The following ZNF592 variants were observed in gnomAD, a reference collection of about 807,000 sequenced individuals.
ZNF592 encodes spinocerebellar ataxia, autosomal recessive 5.
In ZNF592, 11 loss-of-function variants were observed where a neutral mutation model predicts 80.3. The ratio of observed to expected loss-of-function variants is 0.14; its 90% CI spans 0.09 to 0.23. ZNF592 has a LOEUF of 0.23. Ranked by LOEUF, ZNF592 falls within the 10% of genes least tolerant of loss-of-function variation. ZNF592 has a pLI of 1.00. For missense variants in ZNF592, 1,420 were observed against 1,633.9 expected, an observed-to-expected ratio of 0.87 and a Z score of 2.26; for synonymous variants, 646 against 640.3, an observed-to-expected ratio of 1.01 and a Z score of -0.13.
rs573936802 is a variant in ZNF592, at chr15:84,804,778, G to T, written c.*2385G>T. ...AGTTATGAAGTGGCCCAGACACCTAGCCATTCTTTAGTAAGAGTGAAGATA... is the reference window on the plus strand; with the variant it reads ...AGTTATGAAGTGGCCCAGACACCTATCCATTCTTTAGTAAGAGTGAAGATA... On this transcript the variant is annotated 3_prime_UTR_variant, in exon 11 of 11. Coordinates refer to ENST00000560079, the MANE Select transcript of ZNF592 (RefSeq NM_014630.3). 3.9e-5 allele frequency: 6 copies of T among 152,324 alleles called. No homozygotes were observed. In the South Asian group the frequency reaches 1.2e-3, roughly 32 times the overall value. 9.4% of individuals were successfully genotyped at this position (152,324 alleles called of 1,614,324 possible).
At chr15:84,790,978 C>A in intron 5 of ZNF592, 95 bp downstream of exon 5, 1 of 1,473,340 alleles carries the variant, frequency 6.8e-7, no homozygotes, top group Non-Finnish European at 9.5e-7. Context: ...TCTTAAGAGG[C>A]TTGGGTTCCA....
At chr15:84,748,878 G>A (rs1898928331) in intron 1 of ZNF592, among the ~76,000 whole-genome samples, 1 of 148,584 alleles carries the variant, frequency 6.7e-6, no homozygotes, top group Non-Finnish European at 1.5e-5. Context: ...GCCCCCGGCC[G>A]TCGGGCGCCG....
At chr15:84,766,706 A>AGTGTGTGTATGT (rs142827273) in intron 2 of ZNF592, among the ~76,000 whole-genome samples, 4 of 140,140 alleles carry the variant, frequency 2.9e-5, no homozygotes, top group African/African-American at 1.1e-4. Flanking sequence ...GATGAGAAAG[A>AGTGTGTGTATGT]GTGTGTGTGT....
chr15:84,794,668 G>C (rs1027995429), intron 5 of ZNF592, among the ~76,000 whole-genome samples: 6 of 151,956 alleles, frequency 3.9e-5, no homozygotes, highest in Non-Finnish European at 8.8e-5. Context: ...GTAGAGACGG[G>C]GTTTCACCAT....
intron 2 of ZNF592, among the ~76,000 whole-genome samples, chr15:84,771,234 C>T (rs1279543838): frequency 2.6e-5 from 4 of 152,032 alleles, no homozygotes; most frequent in African/African-American, 9.7e-5. Context: ...GAAGTGCTGC[C>T]ATAGAGGAAG....
chr15:84,792,598 G>A lies in ZNF592; in HGVS notation c.2399+1715G>A, dbSNP rs917280802. Among the ~76,000 whole-genome samples the A allele has an allele frequency of 3.3e-5, 5 of 152,132 alleles. No individual in the cohort carries two copies. In the South Asian group the frequency reaches 6.2e-4, roughly 19 times the overall value. ...CCCAGGTAGCTGGGACTACAGGCAT[G>A]CACTGCCATGCCTGGCTAACTTTTT... On this transcript the variant is annotated intron_variant, in intron 5 of 10. Coordinates refer to ENST00000560079, the MANE Select transcript of ZNF592 (RefSeq NM_014630.3).
chr15:84,756,045 G>T (rs1038699218), intron 1 of ZNF592, among the ~76,000 whole-genome samples: 3 of 152,128 alleles, frequency 2.0e-5, no homozygotes, highest in Admixed American at 2.0e-4. Context: ...TGACTCCTAT[G>T]GACCATTGGG....
chr15:84,763,888 T>C (rs1899422616), intron 1 of ZNF592, among the ~76,000 whole-genome samples: 2 of 152,250 alleles, frequency 1.3e-5, no homozygotes. Context: ...CAATTAAATC[T>C]GAATCTTAGA....
intron 5 of ZNF592, 86 bp from the exon 6 acceptor site, chr15:84,797,783 T>A: frequency 1.3e-6 from 2 of 1,495,062 alleles, no homozygotes; most frequent in Middle Eastern, 1.7e-4. Flanking sequence ...CTGTTCCTCT[T>A]CTCCATCCCT....
At chr15:84,751,425 T>C (rs1355027104) in intron 1 of ZNF592, among the ~76,000 whole-genome samples, 1 of 152,250 alleles carries the variant, frequency 6.6e-6, no homozygotes, top group Non-Finnish European at 1.5e-5. Context: ...CTCCTGTCAC[T>C]TGCTAACCAA....
intron 2 of ZNF592, among the ~76,000 whole-genome samples, chr15:84,774,262 A>G (rs1567064975): frequency 6.6e-6 from 1 of 152,228 alleles, no homozygotes; most frequent in Non-Finnish European, 1.5e-5. Context: ...ACAAATACTT[A>G]TTGAGTACCT....
At chr15:84,773,378 ATT>A in intron 2 of ZNF592, among the ~76,000 whole-genome samples, 1 of 151,958 alleles carries the variant, frequency 6.6e-6, no homozygotes, top group South Asian at 2.1e-4. Context: ...AGCCCAGCTA[ATT>A]TTTTGTATTT....
At chr15:84,797,784 C>A in intron 5 of ZNF592, 85 bp from the exon 6 acceptor site, 1 of 1,497,240 alleles carries the variant, frequency 6.7e-7, no homozygotes, top group Non-Finnish European at 9.3e-7. Context: ...TGTTCCTCTT[C>A]TCCATCCCTC....
chr15:84,796,102 A>G (rs1438885840), intron 5 of ZNF592, among the ~76,000 whole-genome samples: 2 of 150,478 alleles, frequency 1.3e-5, no homozygotes, highest in Middle Eastern at 7.0e-3. Flanking sequence ...GGCACCTGTA[A>G]TCCCAGCTAC....
chr15:84,768,066 T>C (rs943323425), intron 2 of ZNF592, among the ~76,000 whole-genome samples: 1 of 150,730 alleles, frequency 6.6e-6, no homozygotes, highest in African/African-American at 2.4e-5. Context: ...TTTTAATTTT[T>C]TTTTTTTGTA....
At chr15:84,791,950 CTTGGCAGACAT>C (rs1962761384) in intron 5 of ZNF592, among the ~76,000 whole-genome samples, 2 of 152,180 alleles carry the variant, frequency 1.3e-5, no homozygotes, top group East Asian at 3.8e-4. Flanking sequence ...CCTTGTATTT[CTTGGCAGACAT>C]TTGGACTTTA....
rs764121202 is a variant in ZNF592, at chr15:84,798,870, G to T, written c.3019G>T (p.Gly1007Cys). The change falls in exon 8 of 11, where the codon GGT becomes TGT. Residue 1007 changes from glycine (G) to cysteine (C), a missense_variant. Gly to Cys is a radical substitution (Grantham distance 159). Around this residue, in one of 7 missense-constraint regions of ZNF592, gnomAD observed 331 missense variants for 347.0 expected, o/e 0.95. Transcript: ENST00000560079. This position sits in a 1 kb window ranked among gnomAD's most constrained non-coding sequence, Gnocchi z 4.5. ...CGTGTCCCACATGAAAAAGAGCCACGGTCGGGTAAGTGCAGCCACACAGTC... is the reference window on the plus strand; with the variant it reads ...CGTGTCCCACATGAAAAAGAGCCACTGTCGGGTAAGTGCAGCCACACAGTC... ...SYVSHMKKSH[G>C]RTLKRYPCRQ... is the part of the protein sequence containing the mutation. The T allele has an allele frequency of 6.3e-7, 1 of 1,598,004 alleles. No individual in the cohort carries two copies. Among genetic ancestry groups the T allele is most frequent in the Non-Finnish European group, 8.5e-7 (1 of 1,179,626 alleles).
At position 84,803,319 on chromosome 15, in the gene ZNF592, T is replaced by C. The variant is rs1343002213; in HGVS notation, c.*926T>C. The C allele has an allele frequency of 6.5e-6, 1 of 152,678 alleles. No homozygotes were observed. The highest frequency in any genetic ancestry group is 1.5e-5 in the Non-Finnish European group (1 of 68,076). The allele number at this position is 152,678 out of a possible 1,614,324, so 9.5% of individuals were successfully genotyped here. A position where few individuals can be genotyped will look rare whatever the true frequency, so the allele number is the denominator to read the frequency against. ...CCATGCAGGTAGGCTCTTGTATTCC[T>C]CTCCAAGTGAGCCTGGCCCCACCCT... On this transcript the variant is annotated 3_prime_UTR_variant, in exon 11 of 11. Coordinates refer to ENST00000560079, the MANE Select transcript of ZNF592 (RefSeq NM_014630.3).
chr15:84,799,009 C>A lies in ZNF592; in HGVS notation c.3025-89C>A. 1.9e-6 allele frequency: 3 copies of A among 1,592,404 alleles called. No homozygotes were observed. Among genetic ancestry groups the A allele is most frequent in the Non-Finnish European group, 2.6e-6 (3 of 1,160,920 alleles). On this transcript the variant is annotated intron_variant, in intron 8 of 10. Coordinates refer to ENST00000560079, the MANE Select transcript of ZNF592 (RefSeq NM_014630.3). This position sits in a 1 kb window ranked among gnomAD's most constrained non-coding sequence, Gnocchi z 4.2. ...ATCTTGAGGTCTTCGGGAGTATCCT[C>A]CTTTCTGCCCATGGCATCTGAGAAG... is the stretch of plus-strand genomic sequence containing the variant.
Sources: gnomAD v4.1 joint callset for allele counts (sites outside exome capture counted in the v4.1 genomes callset) on GRCh38, gnomAD v4.1.1 for gene constraint, gnomAD v4.1.1 regional missense constraint, Gnocchi (gnomAD v3.1) non-coding constraint, MANE v1.5 for transcripts, NCBI Gene and HGNC (gene_info 2026-07-23, HGNC 2026-07-21) for gene names.